The following DUSP13B variants were observed in gnomAD, a reference collection of about 807,000 sequenced individuals.
DUSP13B encodes dual specificity phosphatase 13B.
At chr10:75,099,331 C>A in the DUSP13B span, 2 of 1,232,254 alleles carry the variant, frequency 1.6e-6, no homozygotes, top group Non-Finnish European at 2.0e-6. Context: ...CAGGCTCACC[C>A]AGTGGGAGGC....
chr10:75,099,373 GTCC>G, the DUSP13B span: 1 of 1,232,266 alleles, frequency 8.1e-7, no homozygotes, highest in Non-Finnish European at 1.0e-6. Flanking sequence ...AGACCAAGCT[GTCC>G]TCCTCATCCC....
the DUSP13B span, chr10:75,099,494 A>G: frequency 1.6e-6 from 2 of 1,232,092 alleles, no homozygotes; most frequent in Non-Finnish European, 2.0e-6. Context: ...CCTGAGCGGA[A>G]CAGGGCTGGG....
At chr10:75,108,399 G>A in the DUSP13B span, 18 of 1,050,724 alleles carry the variant, frequency 1.7e-5, no homozygotes, top group Non-Finnish European at 2.2e-5. Context: ...TGGCTGAGCC[G>A]GCGGTGTGTG....
At chr10:75,108,964 T>G in the DUSP13B span, 1 of 1,551,656 alleles carries the variant, frequency 6.4e-7, no homozygotes, top group Admixed American at 1.9e-5. Context: ...AAGAACTGCC[T>G]CTCCACGTCC....
At chr10:75,106,088 TTTTC>T in the DUSP13B span, among the ~76,000 whole-genome samples, 4 of 135,076 alleles carry the variant, frequency 3.0e-5, no homozygotes, top group Non-Finnish European at 6.1e-5. Context: ...TTCTTTTTTC[TTTTC>T]TTTCTTTTCT....
chr10:75,098,904 C>T, the DUSP13B span: 2 of 1,130,370 alleles, frequency 1.8e-6, no homozygotes, highest in South Asian at 4.6e-5. Context: ...TTTAGTCCAT[C>T]CCCAAGCCTT....
chr10:75,102,277 C>T, the DUSP13B span, among the ~76,000 whole-genome samples: 2 of 151,900 alleles, frequency 1.3e-5, no homozygotes, highest in East Asian at 3.9e-4. Context: ...GAGATCGAGA[C>T]CATCCTGGCT....
the DUSP13B span, chr10:75,108,131 G>A: frequency 1.2e-6 from 2 of 1,613,676 alleles, no homozygotes; most frequent in East Asian, 2.2e-5. Flanking sequence ...CGCCCTGACA[G>A]TAGAGGCCCT....
chr10:75,108,396 G>T, the DUSP13B span: 2 of 1,109,412 alleles, frequency 1.8e-6, no homozygotes, highest in African/African-American at 1.6e-5. Flanking sequence ...TGGTGGCTGA[G>T]CCGGCGGTGT....
the DUSP13B span, among the ~76,000 whole-genome samples, chr10:75,102,166 T>C: frequency 1.3e-5 from 2 of 152,200 alleles, no homozygotes; most frequent in Non-Finnish European, 2.9e-5. Flanking sequence ...TGGCATATTG[T>C]GTACATGTAT....
chr10:75,101,716 C>A, the DUSP13B span: 1 of 424,128 alleles, frequency 2.4e-6, no homozygotes. Flanking sequence ...CTCTACTATA[C>A]CTTGTCTGCG....
the DUSP13B span, chr10:75,105,824 T>C: frequency 5.8e-6 from 9 of 1,550,794 alleles, no homozygotes; most frequent in Non-Finnish European, 7.8e-6. Flanking sequence ...AGGACCAGCG[T>C]GGCAGAGCGG....
chr10:75,104,142 C>G, the DUSP13B span: 1 of 1,285,984 alleles, frequency 7.8e-7, no homozygotes, highest in Non-Finnish European at 1.0e-6. Context: ...TGAACCAAGG[C>G]CCAGGCTGGC....
At chr10:75,101,213 A>G in the DUSP13B span, among the ~76,000 whole-genome samples, 1 of 152,274 alleles carries the variant, frequency 6.6e-6, no homozygotes, top group Middle Eastern at 3.4e-3. Flanking sequence ...TGGTACTTGC[A>G]GCTATGTGGT....
the DUSP13B span, among the ~76,000 whole-genome samples, chr10:75,101,641 C>T: frequency 6.6e-6 from 1 of 152,168 alleles, no homozygotes; most frequent in Non-Finnish European, 1.5e-5. Flanking sequence ...AGAGGTTAAG[C>T]AACATACCCA....
At chr10:75,099,348 G>A in the DUSP13B span, 2 of 1,232,264 alleles carry the variant, frequency 1.6e-6, no homozygotes, top group East Asian at 3.2e-5. Flanking sequence ...AGGCTGTCGG[G>A]CAAGGCGGAA....
chr10:75,094,959 T>G, the DUSP13B span: 9 of 1,212,632 alleles, frequency 7.4e-6, no homozygotes, highest in South Asian at 1.4e-5. Context: ...CCCATGGCCA[T>G]CCTCTACAGT....
At chr10:75,099,522 A>G in the DUSP13B span, 1 of 1,231,806 alleles carries the variant, frequency 8.1e-7, no homozygotes, top group Non-Finnish European at 1.0e-6. Context: ...TGCCCAGAAC[A>G]CAAACACTGT....
At chr10:75,106,101 CTTTTTTTT>C in the DUSP13B span, among the ~76,000 whole-genome samples, 24 of 123,040 alleles carry the variant, frequency 2.0e-4, 1 homozygote, top group South Asian at 6.0e-3. Context: ...TCTTTCTTTT[CTTTTTTTT>C]TTTTTTTTTT....
Sources: gnomAD v4.1 joint callset for allele counts (sites outside exome capture counted in the v4.1 genomes callset) on GRCh38, gnomAD v4.1.1 for gene constraint, MANE v1.5 for transcripts, NCBI Gene and HGNC (gene_info 2026-07-23, HGNC 2026-07-21) for gene names.